Variants in GPHN observed in about 807,000 individuals in gnomAD.
The protein encoded by GPHN is gephyrin.
GPHN carries 17 observed loss-of-function variants against 95.5 expected under a neutral mutation model. That is an observed-to-expected ratio of 0.18 (90% confidence interval 0.12 to 0.27). The LOEUF is 0.27. Among genes scored for constraint, GPHN ranks in the 10% least tolerant of loss-of-function variants. The pLI, the probability that GPHN is intolerant of heterozygous loss-of-function variation, is 1.00. For synonymous variants in GPHN, 320 were observed against 322.5 expected (o/e 0.99, Z 0.08); for missense variants, 660 against 978.1 (o/e 0.67, Z 4.34).
At chr14:66,825,743 A>G (rs1473705374) in intron 4 of GPHN, among the ~76,000 whole-genome samples, 1 of 152,236 alleles carries the variant, frequency 6.6e-6, no homozygotes, top group Non-Finnish European at 1.5e-5. Flanking sequence ...TAAATAAAAT[A>G]GTTTTGGCTT....
intron 17 of GPHN, among the ~76,000 whole-genome samples, chr14:67,140,220 C>T (rs545812056): frequency 1.1e-3 from 160 of 152,138 alleles, no homozygotes; most frequent in Non-Finnish European, 1.8e-3. Context: ...CCTGTCTCTA[C>T]TAAAAATACA....
chr14:67,525,494 A>G, the GPHN span, among the ~76,000 whole-genome samples: 1 of 152,194 alleles, frequency 6.6e-6, no homozygotes, highest in Admixed American at 6.5e-5. Context: ...TATTGCTGCT[A>G]TAAATATTAG....
chr14:67,074,311 A>G (rs2153659176), intron 11 of GPHN, among the ~76,000 whole-genome samples: 1 of 152,118 alleles, frequency 6.6e-6, no homozygotes, highest in Middle Eastern at 3.4e-3. Flanking sequence ...AATTCTCACA[A>G]TAATTCATAC....
At position 66,697,695 on chromosome 14, in the gene GPHN, C is replaced by CTT. The variant is rs1355790070; in HGVS notation, c.143+16519_143+16520dup. 6.6e-4 allele frequency among the ~76,000 whole-genome samples: 42 copies of CTT among 64,098 alleles called. No homozygotes were observed. In the African/African-American group the frequency reaches 8.6e-3, roughly 13 times the overall value. The allele number at this position is 64,098 out of a possible 152,430, so 42.1% of individuals were successfully genotyped here. ...TTTTTTCTTTTTTCTTTTTTCTTTTCTTTTTTTTTTGAGATGAGGTCTACC... is the reference window on the plus strand; with the variant it reads ...TTTTTTCTTTTTTCTTTTTTCTTTTCTTTTTTTTTTTTGAGATGAGGTCTACC... On this transcript the variant is annotated intron_variant, in intron 2 of 22. Transcript: ENST00000478722.
chr14:67,242,418 G>A, the GPHN span, among the ~76,000 whole-genome samples: 4 of 152,152 alleles, frequency 2.6e-5, no homozygotes, highest in Non-Finnish European at 5.9e-5. Context: ...TTTGACTGAC[G>A]CAGTGAAAGG....
At chr14:67,277,954 ACT>A in the GPHN span, among the ~76,000 whole-genome samples, 1 of 151,444 alleles carries the variant, frequency 6.6e-6, no homozygotes, top group Non-Finnish European at 1.5e-5. Context: ...GTACAGTATG[ACT>A]CTCAAAAGTT....
At chr14:67,664,986 C>T in the GPHN span, among the ~76,000 whole-genome samples, 1 of 152,190 alleles carries the variant, frequency 6.6e-6, no homozygotes, top group Non-Finnish European at 1.5e-5. Flanking sequence ...CATGCCTCAG[C>T]CTCCTGAGTG....
chr14:67,360,302 C>T, the GPHN span: 5 of 398,466 alleles, frequency 1.3e-5, no homozygotes, highest in African/African-American at 8.2e-5. Context: ...ATTCGTTCAG[C>T]GCTTGCGCAT....
At chr14:67,335,770 C>A in the GPHN span, 1 of 152,632 alleles carries the variant, frequency 6.6e-6, no homozygotes, top group African/African-American at 2.4e-5. Context: ...ATACTGTACA[C>A]TGTATTGTAA....
At chr14:67,575,455 C>T in the GPHN span, 17 of 1,604,582 alleles carry the variant, frequency 1.1e-5, no homozygotes, top group Middle Eastern at 1.6e-4. Flanking sequence ...CTACTACTAT[C>T]GGAGCCATGA....
At chr14:66,580,554 A>G (rs1003074450) in intron 1 of GPHN, among the ~76,000 whole-genome samples, 4 of 151,866 alleles carry the variant, frequency 2.6e-5, no homozygotes, top group Admixed American at 6.6e-5. Context: ...AGAGACAACT[A>G]TGAGCAATCA....
chr14:66,544,017 G>A (rs1025172519), intron 1 of GPHN, among the ~76,000 whole-genome samples: 12 of 152,202 alleles, frequency 7.9e-5, no homozygotes, highest in Admixed American at 2.6e-4. Context: ...CTAAAAGGGC[G>A]TATAGGATCT....
the GPHN span, among the ~76,000 whole-genome samples, chr14:67,478,508 AGT>A: frequency 6.6e-6 from 1 of 152,236 alleles, no homozygotes; most frequent in African/African-American, 2.4e-5. Context: ...AGGATGAAAG[AGT>A]GTGTAGAAAA....
chr14:67,243,489 A>ATTTTTT, the GPHN span, among the ~76,000 whole-genome samples: 1 of 100,292 alleles, frequency 1.0e-5, no homozygotes, highest in African/African-American at 4.1e-5. Context: ...CCAGAATATA[A>ATTTTTT]TTTTTTTTTT....
chr14:67,374,725 G>A, the GPHN span: 1 of 419,996 alleles, frequency 2.4e-6, no homozygotes, highest in Non-Finnish European at 4.2e-6. Flanking sequence ...GACTTCAACT[G>A]CTTTAACTTG....
intron 1 of GPHN, among the ~76,000 whole-genome samples, chr14:66,675,563 T>A (rs905490291): frequency 6.6e-6 from 1 of 152,198 alleles, no homozygotes; most frequent in African/African-American, 2.4e-5. Context: ...CAACAGACTA[T>A]ATTTCTTTAC....
At chr14:66,857,270 A>C (rs929515059) in intron 4 of GPHN, among the ~76,000 whole-genome samples, 5 of 152,210 alleles carry the variant, frequency 3.3e-5, no homozygotes, top group Non-Finnish European at 7.4e-5. Flanking sequence ...AAAGGCAATG[A>C]TCAAAGAGAT....
At chr14:67,700,446 T>G in the GPHN span, among the ~76,000 whole-genome samples, 1 of 152,100 alleles carries the variant, frequency 6.6e-6, no homozygotes. Flanking sequence ...CCGGGCACAG[T>G]AGCTCACGCC....
intron 3 of GPHN, among the ~76,000 whole-genome samples, chr14:66,791,698 A>C (rs2059975578): frequency 6.6e-6 from 1 of 152,218 alleles, no homozygotes; most frequent in African/African-American, 2.4e-5. Context: ...ACTAGAGGTC[A>C]CTGTCATTGC....
Sources: gnomAD v4.1 joint callset for allele counts (sites outside exome capture counted in the v4.1 genomes callset) on GRCh38, gnomAD v4.1.1 for gene constraint, MANE v1.5 for transcripts, NCBI Gene and HGNC (gene_info 2026-07-23, HGNC 2026-07-21) for gene names.